SNTG1: variants seen among roughly 807,000 people sequenced by gnomAD.
SNTG1 encodes the protein syntrophin gamma 1.
A neutral mutation model predicts 74.7 loss-of-function variants in SNTG1; 39 were observed. The ratio of observed to expected loss-of-function variants is 0.52; its 90% CI spans 0.40 to 0.68. The LOEUF (loss-of-function observed/expected upper bound fraction) is 0.68, where lower values mean the gene tolerates loss of function less well. Among genes scored for constraint, SNTG1 ranks in the 30% least tolerant of loss-of-function variants. The pLI is 0.00. For missense variants in SNTG1, 685 were observed against 609.5 expected, an observed-to-expected ratio of 1.12 and a Z score of -1.30; for synonymous variants, 254 against 217.1, an observed-to-expected ratio of 1.17 and a Z score of -1.49.
chr8:50,091,851 G>T (rs1286028899), intron 1 of SNTG1, among the ~76,000 whole-genome samples: 3 of 151,818 alleles, frequency 2.0e-5, no homozygotes, highest in African/African-American at 7.3e-5. Flanking sequence ...TTGATGGTCT[G>T]TAGAAGTCCC....
At chr8:50,054,149 C>G (rs1463442792) in intron 1 of SNTG1, among the ~76,000 whole-genome samples, 1 of 152,046 alleles carries the variant, frequency 6.6e-6, no homozygotes, top group Non-Finnish European at 1.5e-5. Context: ...AGCATTGGGT[C>G]TCTGATGAGT....
chr8:50,455,706 G>GA (rs34751718), intron 8 of SNTG1, among the ~76,000 whole-genome samples: 1 of 152,068 alleles, frequency 6.6e-6, no homozygotes, highest in Non-Finnish European at 1.5e-5. Flanking sequence ...AAATTATCTG[G>GA]AAAAAGGCAT....
chr8:50,378,392 C>T (rs1362707051), intron 2 of SNTG1, among the ~76,000 whole-genome samples: 1 of 152,186 alleles, frequency 6.6e-6, no homozygotes, highest in Non-Finnish European at 1.5e-5. Flanking sequence ...GGCCACAGCT[C>T]TTCCCTCCTT....
intron 8 of SNTG1, among the ~76,000 whole-genome samples, chr8:50,495,346 C>G (rs2623221): frequency 6.6e-6 from 1 of 151,930 alleles, no homozygotes; most frequent in East Asian, 1.9e-4. Flanking sequence ...ATTATGTTGA[C>G]GATAATCTGA....
chr8:50,357,261 G>T (rs1314328567), intron 2 of SNTG1, among the ~76,000 whole-genome samples: 2 of 152,238 alleles, frequency 1.3e-5, no homozygotes, highest in East Asian at 3.8e-4. Context: ...GAGGGCAGCA[G>T]TCCAGTCTTC....
At position 50,795,592 on chromosome 8, in the gene SNTG1, T is replaced by G. The variant is rs773651011; in HGVS notation, c.*2763T>G. The G allele has an allele frequency of 5.9e-5, 9 of 152,044 alleles. No individual in the cohort carries two copies. The highest frequency in any genetic ancestry group is 8.8e-5 in the Non-Finnish European group (6 of 67,972). 9.4% of individuals were successfully genotyped at this position (152,044 alleles called of 1,614,324 possible). A position where few individuals can be genotyped will look rare whatever the true frequency, so the allele number is the denominator to read the frequency against. On this transcript the variant is annotated 3_prime_UTR_variant, in exon 19 of 19. Transcript: ENST00000642720. ...GTGTGTCTGTGTATGTGTGTGAGTG[T>G]GTAAGTGTTATCATTAAAGGGTTCA...
Position 50,725,057 on chromosome 8 carries a change from A to T in SNTG1, c.1284+16079A>T, listed in dbSNP as rs577170798. Among the ~76,000 whole-genome samples, 6 of 152,320 alleles carry T rather than the reference A, an allele frequency of 3.9e-5. No homozygotes were observed. In the East Asian group the frequency reaches 1.2e-3, roughly 29 times the overall value. ...CGGCTCACTTTGATAAGAAAACTTC[A>T]TATTCAAAATGAGTATATTTCATTT... On this transcript the variant is annotated intron_variant, in intron 17 of 18. Transcript: ENST00000642720.
At chr8:50,421,059 GGC>G (rs2093079508) in intron 4 of SNTG1, among the ~76,000 whole-genome samples, 2 of 109,656 alleles carry the variant, frequency 1.8e-5, no homozygotes, top group Admixed American at 9.6e-5. Context: ...GGGAGGGGGG[GGC>G]GAAGATAAAG....
rs185038726 is a variant in SNTG1, at chr8:50,011,304, G to A, written c.-103+99073G>A. On this transcript the variant is annotated intron_variant, in intron 1 of 18. Coordinates refer to ENST00000642720, the MANE Select transcript of SNTG1 (RefSeq NM_018967.5). ...AGCAAATAAAATTTTAAAATACCCC[G>A]TTAAAGATTCTTGAAGGATGAAAAT... Among the ~76,000 whole-genome samples the A allele has an allele frequency of 5.6e-4, 85 of 152,176 alleles. 1 individual carries two copies. The highest frequency in any genetic ancestry group is 1.9e-3 in the South Asian group (9 of 4,820).
At chr8:50,762,938 G>A (rs936559731) in intron 18 of SNTG1, 9 of 284,564 alleles carry the variant, frequency 3.2e-5, no homozygotes, top group African/African-American at 1.8e-4. Context: ...AATCCACTAT[G>A]AGAATCTGGT....
intron 1 of SNTG1, among the ~76,000 whole-genome samples, chr8:50,098,271 A>C (rs1056409499): frequency 1.3e-5 from 2 of 152,190 alleles, no homozygotes; most frequent in African/African-American, 4.8e-5. Flanking sequence ...TCATGAATAA[A>C]ATATTCTTCC....
chr8:50,117,861 A>G (rs1224414973), intron 1 of SNTG1, among the ~76,000 whole-genome samples: 4 of 152,074 alleles, frequency 2.6e-5, no homozygotes, highest in South Asian at 2.1e-4. Flanking sequence ...AAGTTAGGTT[A>G]TGTTTGGTTT....
intron 2 of SNTG1, among the ~76,000 whole-genome samples, chr8:50,341,555 T>A (rs1382691968): frequency 6.6e-6 from 1 of 151,942 alleles, no homozygotes; most frequent in Non-Finnish European, 1.5e-5. Context: ...AGGGGAAGAT[T>A]GACATGAGTC....
intron 1 of SNTG1, among the ~76,000 whole-genome samples, chr8:49,950,543 T>C (rs770546058): frequency 3.3e-5 from 5 of 152,212 alleles, no homozygotes; most frequent in Non-Finnish European, 7.3e-5. Flanking sequence ...CATACTAATG[T>C]AACTAATTTT....
intron 1 of SNTG1, among the ~76,000 whole-genome samples, chr8:50,049,989 T>G (rs183576018): frequency 6.6e-6 from 1 of 152,038 alleles, no homozygotes; most frequent in Admixed American, 6.5e-5. Flanking sequence ...TAGCACAGAA[T>G]GTATATATTA....
intron 1 of SNTG1, among the ~76,000 whole-genome samples, chr8:49,971,763 C>T (rs532288963): frequency 6.6e-6 from 1 of 152,252 alleles, no homozygotes; most frequent in African/African-American, 2.4e-5. Context: ...CTCCCATTCA[C>T]AATTGCTTCA....
At chr8:50,048,958 T>C (rs1052070942) in intron 1 of SNTG1, among the ~76,000 whole-genome samples, 1 of 152,052 alleles carries the variant, frequency 6.6e-6, no homozygotes, top group African/African-American at 2.4e-5. Context: ...AGAACTCTGT[T>C]ATATTAATAA....
At chr8:50,475,812 A>C (rs1282262398) in intron 8 of SNTG1, among the ~76,000 whole-genome samples, 1 of 152,350 alleles carries the variant, frequency 6.6e-6, no homozygotes, top group East Asian at 1.9e-4. Flanking sequence ...CATTACAAAG[A>C]AAGTGCTGAC....
intron 8 of SNTG1, among the ~76,000 whole-genome samples, chr8:50,465,910 T>C (rs1022927968): frequency 7.5e-4 from 114 of 152,286 alleles, no homozygotes; most frequent in African/African-American, 2.7e-3. Context: ...AACATTTCCA[T>C]GCAGGTTTAT....
Sources: allele counts gnomAD v4.1 joint callset (sites outside exome capture counted in the v4.1 genomes callset), GRCh38; gene constraint gnomAD v4.1.1; transcripts MANE v1.5; gene names NCBI Gene and HGNC (gene_info 2026-07-23, HGNC 2026-07-21).